The following SMYD3 variants were observed in gnomAD, a reference collection of about 807,000 sequenced individuals.
SMYD3 encodes SET and MYND domain containing 3, also known as histone-lysine N-methyltransferase SMYD3.
In SMYD3, 36 loss-of-function variants were observed where a neutral mutation model predicts 57.7. The observed-to-expected ratio is 0.62, with a 90% CI of 0.48 to 0.82. The LOEUF is 0.82. Among genes scored for constraint, SMYD3 ranks in the 40% least tolerant of loss-of-function variants. SMYD3 has a pLI of 0.00. For missense variants in SMYD3, 515 were observed against 538.8 expected (o/e 0.96, Z 0.44); for synonymous variants, 211 against 195.0 (o/e 1.08, Z -0.68).
Position 246,496,750 on chromosome 1 carries a change from A to G in SMYD3, c.164+10304T>C, listed in dbSNP as rs990152950. Among the ~76,000 whole-genome samples the G allele has an allele frequency of 2.0e-4, 30 of 152,236 alleles. 1 individual carries two copies. Among genetic ancestry groups the G allele is most frequent in the African/African-American group, 6.7e-4 (28 of 41,550 alleles). On this transcript the variant is annotated intron_variant, in intron 1 of 11. Coordinates refer to ENST00000490107, the MANE Select transcript of SMYD3 (RefSeq NM_001167740.2). ...CTGAGGTAGGAGGATGACTTCAGCCAGGAGGTTGAGGCTGCAGTGAGCCAG... is the reference window on the plus strand; with the variant it reads ...CTGAGGTAGGAGGATGACTTCAGCCGGGAGGTTGAGGCTGCAGTGAGCCAG...
chr1:246,058,822 TATAG>T (rs1318986439), intron 5 of SMYD3, among the ~76,000 whole-genome samples: 1 of 152,116 alleles, frequency 6.6e-6, no homozygotes, highest in African/African-American at 2.4e-5. Flanking sequence ...AAAAGTAATC[TATAG>T]ATAATGTTTC....
intron 1 of SMYD3, among the ~76,000 whole-genome samples, chr1:246,492,791 C>T (rs1322986315): frequency 6.6e-6 from 1 of 152,206 alleles, no homozygotes; most frequent in African/African-American, 2.4e-5. Context: ...ATTCCTCCAG[C>T]CCTTTTCCTT....
chr1:245,857,661 A>C (rs2051320976), intron 10 of SMYD3, among the ~76,000 whole-genome samples: 1 of 152,140 alleles, frequency 6.6e-6, no homozygotes, highest in Non-Finnish European at 1.5e-5. Context: ...CCTTCCCGCC[A>C]GCAACCTTGT....
At chr1:246,459,661 C>G (rs750902613) in intron 1 of SMYD3, among the ~76,000 whole-genome samples, 1 of 152,100 alleles carries the variant, frequency 6.6e-6, no homozygotes, top group Non-Finnish European at 1.5e-5. Flanking sequence ...CATAAATTAC[C>G]CAGTCTCAGG....
intron 1 of SMYD3, among the ~76,000 whole-genome samples, chr1:246,496,071 T>TGGAGTG (rs1336373897): frequency 3.9e-5 from 6 of 151,988 alleles, no homozygotes; most frequent in African/African-American, 1.4e-4. Context: ...GGAGTCTCAC[T>TGGAGTG]CTGTCGCCAG....
Position 246,384,788 on chromosome 1 carries a change from T to C in SMYD3, c.165-29694A>G, listed in dbSNP as rs566424497. Among the ~76,000 whole-genome samples the C allele has an allele frequency of 2.7e-4, 41 of 152,302 alleles. 1 individual carries two copies. Among genetic ancestry groups the C allele is most frequent in the African/African-American group, 9.6e-4 (40 of 41,564 alleles). On this transcript the variant is annotated intron_variant, in intron 1 of 11. Coordinates refer to ENST00000490107, the MANE Select transcript of SMYD3 (RefSeq NM_001167740.2). Reference sequence around the variant, plus strand: ...CCTAGGTTTGGAAGAAAAATTATAATGGGAAACATACTGTGACAGCTCAGT... The same window carrying C: ...CCTAGGTTTGGAAGAAAAATTATAACGGGAAACATACTGTGACAGCTCAGT...
intron 3 of SMYD3, among the ~76,000 whole-genome samples, chr1:246,333,566 C>A (rs2148669988): frequency 6.6e-6 from 1 of 152,204 alleles, no homozygotes; most frequent in Middle Eastern, 3.4e-3. Flanking sequence ...AAAAAACAAA[C>A]AACCTCATTA....
intron 1 of SMYD3, among the ~76,000 whole-genome samples, chr1:246,435,659 G>A (rs1366766164): frequency 6.6e-6 from 1 of 151,804 alleles, no homozygotes; most frequent in African/African-American, 2.4e-5. Context: ...AATGAGGAAG[G>A]GGGAATAAGG....
At chr1:246,333,212 T>C (rs2065488154) in intron 3 of SMYD3, among the ~76,000 whole-genome samples, 1 of 152,176 alleles carries the variant, frequency 6.6e-6, no homozygotes, top group Non-Finnish European at 1.5e-5. Flanking sequence ...AAGAACTTGG[T>C]TCCAACCTTC....
intron 5 of SMYD3, among the ~76,000 whole-genome samples, chr1:246,085,579 G>A (rs1334004597): frequency 2.0e-5 from 3 of 152,086 alleles, no homozygotes; most frequent in Non-Finnish European, 4.4e-5. Context: ...TGAACAAATA[G>A]GTCTTACTAA....
At chr1:246,497,224 G>T (rs964301668) in intron 1 of SMYD3, among the ~76,000 whole-genome samples, 1 of 152,150 alleles carries the variant, frequency 6.6e-6, no homozygotes, top group Non-Finnish European at 1.5e-5. Context: ...CATAGGTTTC[G>T]ACTCTTATTG....
At chr1:246,299,710 T>C (rs932631371) in intron 5 of SMYD3, among the ~76,000 whole-genome samples, 2 of 152,298 alleles carry the variant, frequency 1.3e-5, no homozygotes, top group African/African-American at 4.8e-5. Context: ...CTGGAGGTCA[T>C]TATCCTTAGT....
At chr1:246,168,018 C>T (rs147165445) in intron 5 of SMYD3, among the ~76,000 whole-genome samples, 66 of 152,280 alleles carry the variant, frequency 4.3e-4, no homozygotes, top group African/African-American at 1.3e-3. Flanking sequence ...ACAGACAAAA[C>T]GCAAAACAGT....
chr1:245,986,459 G>A (rs1186265336), intron 5 of SMYD3, among the ~76,000 whole-genome samples: 5 of 152,118 alleles, frequency 3.3e-5, no homozygotes, highest in Admixed American at 2.6e-4. Context: ...CCTGTAGCTG[G>A]TCCAAGTTTT....
chr1:246,356,630 T>C (rs538375143), intron 1 of SMYD3, among the ~76,000 whole-genome samples: 13 of 152,026 alleles, frequency 8.6e-5, no homozygotes, highest in African/African-American at 3.1e-4. Context: ...AAGAAACACT[T>C]AGAGAAATGC....
intron 5 of SMYD3, among the ~76,000 whole-genome samples, chr1:246,315,634 G>C (rs966855336): frequency 6.6e-6 from 1 of 152,002 alleles, no homozygotes; most frequent in East Asian, 1.9e-4. Flanking sequence ...TTGTTGGAAC[G>C]CTCTGGTTAT....
At chr1:245,763,398 T>C (rs2045937116) in intron 11 of SMYD3, among the ~76,000 whole-genome samples, 1 of 152,012 alleles carries the variant, frequency 6.6e-6, no homozygotes, top group African/African-American at 2.4e-5. Context: ...GCTGTAGGGG[T>C]AGGACCACAA....
Position 245,801,145 on chromosome 1 carries a change from A to G in SMYD3, c.1077-36996T>C, listed in dbSNP as rs1275852041. Among the ~76,000 whole-genome samples, 6 of 152,364 alleles carry G rather than the reference A, an allele frequency of 3.9e-5. No homozygotes were observed. In the East Asian group the frequency reaches 1.2e-3, roughly 29 times the overall value. ...GCCCCACTTAAGAGAATTCAATCCT[A>G]AAGAAGTTTATTTTTGTCTGGGTGT... On this transcript the variant is annotated intron_variant, in intron 10 of 11. Coordinates refer to ENST00000490107, the MANE Select transcript of SMYD3 (RefSeq NM_001167740.2).
chr1:245,866,861 G>A (rs961600684), intron 8 of SMYD3, among the ~76,000 whole-genome samples: 5 of 152,186 alleles, frequency 3.3e-5, no homozygotes, highest in African/African-American at 1.2e-4. Flanking sequence ...CTGCCTCCCA[G>A]ATCAAGCTCA....
Sources: allele counts gnomAD v4.1 joint callset (sites outside exome capture counted in the v4.1 genomes callset), GRCh38; gene constraint gnomAD v4.1.1; transcripts MANE v1.5; gene names NCBI Gene and HGNC (gene_info 2026-07-23, HGNC 2026-07-21).